Variants in ADCY2 observed in about 807,000 individuals in gnomAD.
ADCY2 encodes adenylate cyclase 2.
Under a neutral mutation model 125.2 loss-of-function variants are expected in ADCY2, and 31 were observed. The ratio of observed to expected loss-of-function variants is 0.25; its 90% CI spans 0.19 to 0.33. The LOEUF is 0.33. Ranked by LOEUF, ADCY2 falls within the 10% of genes least tolerant of loss-of-function variation. The pLI, the probability that ADCY2 is intolerant of heterozygous loss-of-function variation, is 1.00. For synonymous variants in ADCY2, 512 were observed against 548.4 expected (o/e 0.93, Z 0.93); for missense variants, 904 against 1,418.2 (o/e 0.64, Z 5.82).
At chr5:7,539,114 C>T (rs989282563) in intron 3 of ADCY2, among the ~76,000 whole-genome samples, 2 of 152,016 alleles carry the variant, frequency 1.3e-5, no homozygotes, top group South Asian at 2.1e-4. Flanking sequence ...CCACCTGCCT[C>T]GGTCTCCCAA....
intron 2 of ADCY2, among the ~76,000 whole-genome samples, chr5:7,459,329 A>G (rs944656067): frequency 2.0e-5 from 3 of 152,208 alleles, no homozygotes; most frequent in African/African-American, 7.2e-5. Context: ...GCCTAACCCC[A>G]GTCCAAAGGA....
At chr5:7,599,921 C>G (rs1234376381) in intron 3 of ADCY2, among the ~76,000 whole-genome samples, 1 of 152,140 alleles carries the variant, frequency 6.6e-6, no homozygotes, top group Non-Finnish European at 1.5e-5. Flanking sequence ...TCATTGACTT[C>G]ATCGTGCATA....
intron 4 of ADCY2, 25 bp from the exon 5 acceptor site, chr5:7,690,666 G>T (rs1201564834): frequency 3.3e-6 from 5 of 1,516,746 alleles, no homozygotes; most frequent in Non-Finnish European, 4.4e-6. Flanking sequence ...AGAGACATTT[G>T]TTCCTCCTTC....
intron 3 of ADCY2, among the ~76,000 whole-genome samples, chr5:7,613,716 C>T (rs988133191): frequency 1.3e-5 from 2 of 152,202 alleles, no homozygotes; most frequent in African/African-American, 4.8e-5. Flanking sequence ...CTATGTGGCT[C>T]AAAGCCTTGC....
chr5:7,687,720 A>G lies in ADCY2; in HGVS notation c.721-2971A>G, dbSNP rs547356412. On this transcript the variant is annotated intron_variant, in intron 4 of 24. Transcript: ENST00000338316. Reference sequence around the variant, plus strand: ...ATACATTCAGGAAGGAACAATCTACAGTGACCCCCAAGCAAGGAAGAAGGG... The same window carrying G: ...ATACATTCAGGAAGGAACAATCTACGGTGACCCCCAAGCAAGGAAGAAGGG... Among the ~76,000 whole-genome samples, 7 of 152,330 alleles carry G rather than the reference A, an allele frequency of 4.6e-5. No individual in the cohort carries two copies. The South Asian group carries it at 1.5e-3, about 32-fold the overall frequency.
At chr5:7,825,503 C>T (rs1397410522) in intron 24 of ADCY2, among the ~76,000 whole-genome samples, 6 of 152,260 alleles carry the variant, frequency 3.9e-5, no homozygotes, top group African/African-American at 1.4e-4. Flanking sequence ...CAGGGTCTCA[C>T]AGGTGCCCTT....
At chr5:7,754,428 T>C (rs947117754) in intron 15 of ADCY2, among the ~76,000 whole-genome samples, 2 of 152,202 alleles carry the variant, frequency 1.3e-5, no homozygotes, top group African/African-American at 4.8e-5. Flanking sequence ...TGTTCTACTG[T>C]TAACATTTTC....
chr5:7,808,129 C>T (rs778887612), intron 22 of ADCY2, among the ~76,000 whole-genome samples: 24 of 152,340 alleles, frequency 1.6e-4, no homozygotes, highest in Admixed American at 3.3e-4. Context: ...TCACAGAAGG[C>T]TTTCCCGTGC....
At chr5:7,558,409 G>A (rs935615129) in intron 3 of ADCY2, among the ~76,000 whole-genome samples, 1 of 152,070 alleles carries the variant, frequency 6.6e-6, no homozygotes, top group African/African-American at 2.4e-5. Flanking sequence ...TCTTATTGTG[G>A]TTTTGATTTG....
Position 7,781,810 on chromosome 5 carries a change from GC to G in ADCY2, c.2385-2551del, listed in dbSNP as rs377336257. Among the ~76,000 whole-genome samples the G allele has an allele frequency of 9.2e-5, 14 of 152,256 alleles. No homozygotes were observed. In the East Asian group the frequency reaches 1.7e-3, roughly 19 times the overall value. On this transcript the variant is annotated intron_variant, in intron 18 of 24. Coordinates refer to ENST00000338316, the MANE Select transcript of ADCY2 (RefSeq NM_020546.3). ...CTCCCTGACTCCCACCATGCTCCAT[GC>G]CCCTCCTTCTCACCACCTTTCTCAT...
chr5:7,675,824 G>A (rs925682226), intron 4 of ADCY2, among the ~76,000 whole-genome samples: 2 of 152,180 alleles, frequency 1.3e-5, no homozygotes, highest in Non-Finnish European at 2.9e-5. Flanking sequence ...GTTTAGGCTT[G>A]AAGTTCTTTT....
chr5:7,475,967 C>T (rs1034753061), intron 2 of ADCY2, among the ~76,000 whole-genome samples: 1 of 152,116 alleles, frequency 6.6e-6, no homozygotes, highest in African/African-American at 2.4e-5. Flanking sequence ...TGTACTTAAT[C>T]AGAACTCATT....
At chr5:7,431,425 T>C (rs547045758) in intron 2 of ADCY2, among the ~76,000 whole-genome samples, 10 of 152,180 alleles carry the variant, frequency 6.6e-5, no homozygotes, top group African/African-American at 2.4e-4. Flanking sequence ...AAATTTTAGA[T>C]TGAAAATTAT....
chr5:7,520,847 T>A lies in ADCY2; in HGVS notation c.518T>A (p.Leu173His), dbSNP rs765495006. Residue 173 changes from leucine to histidine, a missense_variant, in exon 3 of 25, where the codon CTT becomes CAT. Coordinates refer to ENST00000338316, the MANE Select transcript of ADCY2 (RefSeq NM_020546.3). The part of the protein sequence containing the change: ...VLTSSSHTIV[L>H]SVCLSATPGG... Reference sequence around the variant, plus strand: ...ACCTCCTCCTCCCACACCATCGTGCTTAGCGTCTGCCTGTCTGCAACACCG... The same window carrying A: ...ACCTCCTCCTCCCACACCATCGTGCATAGCGTCTGCCTGTCTGCAACACCG... 1 of 1,614,206 alleles carries A rather than the reference T, an allele frequency of 6.2e-7. No individual in the cohort carries two copies. The highest frequency in any genetic ancestry group is 8.5e-7 in the Non-Finnish European group (1 of 1,180,032).
Position 7,628,687 on chromosome 5 carries a change from C to T in ADCY2, c.720+2371C>T, listed in dbSNP as rs146496024. ...CATTTTGTCACAAGCGTTGGAAGTC[C>T]ATTTCCAGAGTCTACTCCTAGAATG... On this transcript the variant is annotated intron_variant, in intron 4 of 24. Coordinates refer to ENST00000338316, the MANE Select transcript of ADCY2 (RefSeq NM_020546.3). 2.1e-3 allele frequency among the ~76,000 whole-genome samples: 318 copies of T among 152,198 alleles called. 5 individuals carry two copies. The Middle Eastern group carries it at 0.024, about 11-fold the overall frequency.
intron 1 of ADCY2, among the ~76,000 whole-genome samples, chr5:7,397,453 T>TG (rs1739097774): frequency 7.0e-6 from 1 of 142,708 alleles, no homozygotes; most frequent in African/African-American, 2.7e-5. Context: ...GAGTTTTTTT[T>TG]TTTTTTTTTT....
chr5:7,581,819 C>CAAAAAAAAAAAAAAAAA (rs59841590), intron 3 of ADCY2, among the ~76,000 whole-genome samples: 1 of 123,784 alleles, frequency 8.1e-6, no homozygotes, highest in Non-Finnish European at 1.7e-5. Flanking sequence ...GACTCAGTCT[C>CAAAAAAAAAAAAAAAAA]AAAAAAAAAA....
rs147121571 is a variant in ADCY2 at position 7,516,260 on chromosome 5, A to G, written c.409-4478A>G. Among the ~76,000 whole-genome samples, 125 of 152,342 alleles carry G rather than the reference A, an allele frequency of 8.2e-4. 2 individuals are homozygous for G. The East Asian group carries it at 0.022, about 26-fold the overall frequency. ...TGATTATAGACCTGGAAAGAGGCCC[A>G]TGATGTATAGTTGATTGAAAAAATG... is the stretch of plus-strand genomic sequence containing the variant. On this transcript the variant is annotated intron_variant, in intron 2 of 24. Transcript: ENST00000338316.
intron 17 of ADCY2, among the ~76,000 whole-genome samples, chr5:7,769,045 C>T (rs2126477255): frequency 6.6e-6 from 1 of 152,328 alleles, no homozygotes; most frequent in South Asian, 2.1e-4. Flanking sequence ...TGAAGTTGAC[C>T]AGCAAGCTGA....
Sources: gnomAD v4.1 joint callset for allele counts (sites outside exome capture counted in the v4.1 genomes callset) on GRCh38, gnomAD v4.1.1 for gene constraint, MANE v1.5 for transcripts, NCBI Gene and HGNC (gene_info 2026-07-23, HGNC 2026-07-21) for gene names.